DDX19A: variants seen among roughly 807,000 people sequenced by gnomAD.
DDX19A encodes DEAD-box helicase 19A.
In DDX19A, 12 loss-of-function variants were observed where a neutral mutation model predicts 60.6. The ratio of observed to expected loss-of-function variants is 0.20; its 90% CI spans 0.13 to 0.32. The LOEUF is 0.32. Ranked by LOEUF, DDX19A falls within the 10% of genes least tolerant of loss-of-function variation. DDX19A has a pLI of 1.00. For missense variants in DDX19A, 337 were observed against 600.6 expected (o/e 0.56, Z 4.59); for synonymous variants, 206 against 218.2 (o/e 0.94, Z 0.49).
At chr16:70,358,134 G>A (rs1016553405) in intron 4 of DDX19A, among the ~76,000 whole-genome samples, 1 of 152,072 alleles carries the variant, frequency 6.6e-6, no homozygotes. Flanking sequence ...GGGTTCAAGC[G>A]ATTCTCGTTC....
intron 1 of DDX19A, among the ~76,000 whole-genome samples, chr16:70,348,952 A>G (rs1391725606): frequency 1.3e-5 from 2 of 152,044 alleles, no homozygotes; most frequent in Non-Finnish European, 2.9e-5. Context: ...TCAAAAAAAG[A>G]AAAAAGGGAA....
intron 4 of DDX19A, among the ~76,000 whole-genome samples, chr16:70,358,810 C>T (rs549495067): frequency 6.6e-6 from 1 of 152,260 alleles, no homozygotes; most frequent in Admixed American, 6.6e-5. Context: ...TCATGCCGTT[C>T]GTTGCACTCC....
At chr16:70,350,293 G>A (rs1597519898) in intron 1 of DDX19A, among the ~76,000 whole-genome samples, 2 of 152,106 alleles carry the variant, frequency 1.3e-5, no homozygotes, top group Admixed American at 6.6e-5. Flanking sequence ...TGGGAGATGA[G>A]CAGAGGTTGA....
chr16:70,366,113 G>A lies in DDX19A; in HGVS notation c.633G>A (p.Gln211=). 3.1e-6 allele frequency: 5 copies of A among 1,614,202 alleles called. No individual in the cohort carries two copies. Among genetic ancestry groups the A allele is most frequent in the Non-Finnish European group, 3.4e-6 (4 of 1,180,038 alleles). Residue 211 remains glutamine (Q), a synonymous_variant, in exon 8 of 12, where the codon CAG becomes CAA. Transcript: ENST00000302243. ...AAAGAGGCCAGAAGATCAGTGAGCA[G>A]ATTGTCATTGGCACCCCTGGGACCG... ...KLERGQKISE[Q]IVIGTPGTVL...
At chr16:70,352,739 C>T (rs544982414) in intron 2 of DDX19A, among the ~76,000 whole-genome samples, 6 of 150,194 alleles carry the variant, frequency 4.0e-5, no homozygotes, top group Non-Finnish European at 5.9e-5. Flanking sequence ...GGGGTTCAAG[C>T]GATTCTCCTG....
chr16:70,371,449 A>T lies in DDX19A; in HGVS notation c.1261A>T (p.Thr421Ser). ...VDKDGNPDNETYLHRIGRTGR... is the reference protein window; with the variant it reads ...VDKDGNPDNESYLHRIGRTGR... ...CAAGGACGGGAATCCTGACAATGAG[A>T]CCTACCTGCACCGGATCGGGCGCAC... is the stretch of plus-strand genomic sequence containing the variant. The change falls in exon 11 of 12, where the codon ACC becomes TCC. Residue 421 changes from threonine to serine, a missense_variant. Coordinates refer to ENST00000302243, the MANE Select transcript of DDX19A (RefSeq NM_018332.5). 6.2e-7 allele frequency: 1 copy of T among 1,612,176 alleles called. No homozygotes were observed. Among genetic ancestry groups the T allele is most frequent in the South Asian group, 1.1e-5 (1 of 90,936 alleles).
chr16:70,370,407 C>T, intron 10 of DDX19A, 22 bp downstream of exon 10: 2 of 1,601,740 alleles, frequency 1.2e-6, no homozygotes, highest in South Asian at 1.1e-5. Context: ...ACGTGTCCCA[C>T]CTGGTCTGCC....
At chr16:70,352,132 A>G (rs1474757774) in intron 2 of DDX19A, among the ~76,000 whole-genome samples, 2 of 152,272 alleles carry the variant, frequency 1.3e-5, no homozygotes, top group East Asian at 1.9e-4. Flanking sequence ...ATATTCTTCC[A>G]AAGACTTTAT....
intron 10 of DDX19A, 187 bp from the exon 11 acceptor site, chr16:70,371,185 A>G: frequency 1.9e-6 from 2 of 1,030,616 alleles, no homozygotes; most frequent in Non-Finnish European, 2.8e-6. Context: ...CACTTGCCAA[A>G]GTTCTCTTCT....
intron 1 of DDX19A, among the ~76,000 whole-genome samples, chr16:70,348,596 C>G (rs1189762763): frequency 6.3e-5 from 9 of 143,080 alleles, no homozygotes; most frequent in African/African-American, 1.6e-4. Context: ...CACTGCACTC[C>G]AGCCTGGGCT....
chr16:70,362,137 T>C (rs1964380038), intron 5 of DDX19A, among the ~76,000 whole-genome samples: 1 of 149,544 alleles, frequency 6.7e-6, no homozygotes. Flanking sequence ...ATGGTGCCAC[T>C]GTACTCTAGC....
intron 2 of DDX19A, among the ~76,000 whole-genome samples, chr16:70,353,672 G>C (rs145359684): frequency 7.0e-6 from 1 of 143,662 alleles, no homozygotes; most frequent in African/African-American, 2.4e-5. Flanking sequence ...AGGCTGAGGC[G>C]GGTGGATCAC....
chr16:70,358,140 C>G (rs972230989), intron 4 of DDX19A, among the ~76,000 whole-genome samples: 8 of 152,190 alleles, frequency 5.3e-5, no homozygotes, highest in East Asian at 1.9e-4. Context: ...AAGCGATTCT[C>G]GTTCCTCAGC....
chr16:70,371,150 C>T (rs983640327), intron 10 of DDX19A: 7 of 739,060 alleles, frequency 9.5e-6, no homozygotes, highest in African/African-American at 1.8e-5. Context: ...CAGAGGATTA[C>T]CGACTGATCT....
chr16:70,352,425 C>T (rs986913618), intron 2 of DDX19A, among the ~76,000 whole-genome samples: 2 of 149,486 alleles, frequency 1.3e-5, no homozygotes, highest in African/African-American at 4.9e-5. Context: ...GCTGGGATTA[C>T]AGGTGTCCGC....
chr16:70,365,332 T>TAA, intron 7 of DDX19A: 13 of 365,532 alleles, frequency 3.6e-5, no homozygotes, highest in Admixed American at 8.7e-5. Flanking sequence ...TTCGGTTGAT[T>TAA]AAAAAAAAAA....
rs573019289 is a variant in DDX19A at position 70,366,528 on chromosome 16, C to T, written c.783-96C>T. On this transcript the variant is annotated intron_variant, in intron 8 of 11. Transcript: ENST00000302243. ...CCCCAAGATGCTCCTCCCCCATCAG[C>T]CTTCCTGGGCATCTAGACCCTCCCA... 2.0e-5 allele frequency: 31 copies of T among 1,524,560 alleles called. No homozygotes were observed. The East Asian group carries it at 7.0e-4, about 34-fold the overall frequency. The allele number at this position is 1,524,560 out of a possible 1,614,324, so 94.4% of individuals were successfully genotyped here. A position where few individuals can be genotyped will look rare whatever the true frequency, so the allele number is the denominator to read the frequency against.
At chr16:70,348,783 A>G (rs1329876497) in intron 1 of DDX19A, among the ~76,000 whole-genome samples, 1 of 152,022 alleles carries the variant, frequency 6.6e-6, no homozygotes, top group Non-Finnish European at 1.5e-5. Flanking sequence ...CTACAAAAAT[A>G]CAAAAAAAAT....
At chr16:70,364,794 A>G in intron 6 of DDX19A, 149 bp downstream of exon 6, 1 of 691,308 alleles carries the variant, frequency 1.4e-6, no homozygotes, top group Non-Finnish European at 2.5e-6. Context: ...CTGACCTGGG[A>G]GAATGTGCTT....
Sources: allele counts gnomAD v4.1 joint callset (sites outside exome capture counted in the v4.1 genomes callset), GRCh38; gene constraint gnomAD v4.1.1; transcripts MANE v1.5; gene names NCBI Gene and HGNC (gene_info 2026-07-23, HGNC 2026-07-21).